NR2F1-AS1: variants seen among roughly 807,000 people sequenced by gnomAD.
The protein encoded by NR2F1-AS1 is NR2F1 antisense RNA 1.
chr5:93,458,536 C>A (rs1283119908), intron 4 of NR2F1-AS1, among the ~76,000 whole-genome samples: 1 of 151,794 alleles, frequency 6.6e-6, no homozygotes, highest in Non-Finnish European at 1.5e-5. Context: ...CAAAATGTAT[C>A]ATAGATTTAA....
chr5:93,564,462 C>G (rs1241389003), intron 1 of NR2F1-AS1, among the ~76,000 whole-genome samples: 1 of 152,020 alleles, frequency 6.6e-6, no homozygotes, highest in Non-Finnish European at 1.5e-5. Context: ...AGAGTAAAAA[C>G]CTGAAAGGGA....
intron 4 of NR2F1-AS1, among the ~76,000 whole-genome samples, chr5:93,427,255 T>G (rs944590468): frequency 2.6e-5 from 4 of 152,194 alleles, no homozygotes; most frequent in Non-Finnish European, 5.9e-5. Context: ...AATATTGCCA[T>G]TGAAATCAAA....
chr5:93,423,893 G>C (rs1335404842), intron 4 of NR2F1-AS1, among the ~76,000 whole-genome samples: 1 of 151,984 alleles, frequency 6.6e-6, no homozygotes, highest in Admixed American at 6.6e-5. Flanking sequence ...TCTTAGGAAG[G>C]TCTGCCTCTC....
intron 4 of NR2F1-AS1, among the ~76,000 whole-genome samples, chr5:93,532,485 T>A (rs890977780): frequency 6.6e-6 from 1 of 152,122 alleles, no homozygotes; most frequent in Non-Finnish European, 1.5e-5. Flanking sequence ...AGAAGGCCTG[T>A]GTGTGAACTA....
chr5:93,486,727 T>TC (rs1433641348), intron 4 of NR2F1-AS1, among the ~76,000 whole-genome samples: 12 of 152,080 alleles, frequency 7.9e-5, no homozygotes, highest in Non-Finnish European at 1.8e-4. Context: ...AAAGAGGGAC[T>TC]CCTCCCTAAC....
chr5:93,548,248 A>G (rs1026937195), intron 4 of NR2F1-AS1, among the ~76,000 whole-genome samples: 2 of 152,196 alleles, frequency 1.3e-5, no homozygotes, highest in African/African-American at 4.8e-5. Context: ...TATTTAATCA[A>G]TATAAACAAT....
At chr5:93,528,889 G>A (rs1041353411) in intron 4 of NR2F1-AS1, among the ~76,000 whole-genome samples, 1 of 151,732 alleles carries the variant, frequency 6.6e-6, no homozygotes, top group Non-Finnish European at 1.5e-5. Flanking sequence ...CATACAGCAG[G>A]GTTTCTCGGG....
chr5:93,500,034 A>G (rs1351921566), intron 4 of NR2F1-AS1, among the ~76,000 whole-genome samples: 1 of 152,234 alleles, frequency 6.6e-6, no homozygotes, highest in East Asian at 1.9e-4. Flanking sequence ...GAAAGAAGCC[A>G]TCTCCAGAAC....
chr5:93,484,460 A>T (rs1750672690), intron 4 of NR2F1-AS1, among the ~76,000 whole-genome samples: 1 of 152,336 alleles, frequency 6.6e-6, no homozygotes, highest in South Asian at 2.1e-4. Context: ...AGCACTAAAC[A>T]TGGAAAGGAA....
chr5:93,565,085 G>A (rs1250966460), intron 1 of NR2F1-AS1, among the ~76,000 whole-genome samples: 1 of 152,246 alleles, frequency 6.6e-6, no homozygotes, highest in East Asian at 1.9e-4. Flanking sequence ...CAGGCAATGT[G>A]GAGTGAGGAA....
intron 1 of NR2F1-AS1, among the ~76,000 whole-genome samples, chr5:93,575,283 A>G (rs1361147471): frequency 6.6e-6 from 1 of 152,270 alleles, no homozygotes; most frequent in Non-Finnish European, 1.5e-5. Context: ...TTTCTGGATT[A>G]TCATTCATAT....
intron 4 of NR2F1-AS1, chr5:93,542,403 C>A (rs1751972419): frequency 6.6e-6 from 1 of 151,852 alleles, no homozygotes; most frequent in Admixed American, 6.6e-5. Context: ...TGGGGGTGGC[C>A]TGTGCATTAT....
intron 4 of NR2F1-AS1, among the ~76,000 whole-genome samples, chr5:93,428,039 T>G (rs1409618448): frequency 6.6e-6 from 1 of 152,172 alleles, no homozygotes; most frequent in Middle Eastern, 3.2e-3. Flanking sequence ...TATATCAAAA[T>G]GCTAAATATA....
intron 2 of NR2F1-AS1, among the ~76,000 whole-genome samples, chr5:93,558,529 C>T (rs1752415471): frequency 6.6e-6 from 1 of 152,054 alleles, no homozygotes; most frequent in Non-Finnish European, 1.5e-5. Context: ...ACCATGTGGG[C>T]CAGGCTGGTC....
rs563974409 is a variant in NR2F1-AS1 at position 93,579,816 on chromosome 5, G to A, written n.313+651C>T. Among the ~76,000 whole-genome samples the A allele has an allele frequency of 5.9e-5, 9 of 152,338 alleles. No homozygotes were observed. The East Asian group carries it at 1.7e-3, about 29-fold the overall frequency. On this transcript the variant is annotated intron_variant and non_coding_transcript_variant, in intron 1 of 5. Coordinates refer to ENST00000660523, the Ensembl canonical transcript of NR2F1-AS1. The surrounding 1 kb of genome is among the most constrained non-coding windows in gnomAD (Gnocchi z 5.1). ...GCAGGGAGTCTGGCTCGGCTGCTAGGCTGCGAATCCCGGTGCTCTCTCGCC... is the reference window on the plus strand; with the variant it reads ...GCAGGGAGTCTGGCTCGGCTGCTAGACTGCGAATCCCGGTGCTCTCTCGCC...
At position 93,558,959 on chromosome 5, in the gene NR2F1-AS1, T is replaced by C. The variant is rs1278305680; in HGVS notation, n.414-3964A>G. ...CTTAAAGGCCCTAGGATTTTTGGAA[T>C]GGCAAATGAGCATTGGCTTCATCTT... On this transcript the variant is annotated intron_variant and non_coding_transcript_variant, in intron 2 of 5. Transcript: ENST00000660523. Among the ~76,000 whole-genome samples, 3 of 152,232 alleles carry C rather than the reference T, an allele frequency of 2.0e-5. No homozygotes were observed. The East Asian group carries it at 5.8e-4, about 29-fold the overall frequency.
chr5:93,506,694 T>C (rs958957083), intron 4 of NR2F1-AS1, among the ~76,000 whole-genome samples: 2 of 152,130 alleles, frequency 1.3e-5, no homozygotes, highest in East Asian at 1.9e-4. Flanking sequence ...ACTATCATGA[T>C]AATAGCATGG....
At chr5:93,433,534 G>C (rs1478164131) in intron 4 of NR2F1-AS1, among the ~76,000 whole-genome samples, 1 of 152,204 alleles carries the variant, frequency 6.6e-6, no homozygotes, top group Non-Finnish European at 1.5e-5. Flanking sequence ...TATGTTCTGA[G>C]AAATGCATTG....
At chr5:93,434,781 C>T (rs1319416404) in intron 4 of NR2F1-AS1, among the ~76,000 whole-genome samples, 1 of 152,164 alleles carries the variant, frequency 6.6e-6, no homozygotes, top group East Asian at 1.9e-4. Context: ...ATAGTACATG[C>T]AATTTCCTTT....
Sources: allele counts gnomAD v4.1 joint callset (sites outside exome capture counted in the v4.1 genomes callset), GRCh38; gene constraint gnomAD v4.1.1; non-coding constraint Gnocchi (gnomAD v3.1); transcripts MANE v1.5; gene names NCBI Gene and HGNC (gene_info 2026-07-23, HGNC 2026-07-21).